The following PYGM variants were observed in gnomAD, a reference collection of about 807,000 sequenced individuals.
PYGM encodes glycogen phosphorylase, muscle form.
PYGM carries 81 observed loss-of-function variants against 99.3 expected under a neutral mutation model. That is an observed-to-expected ratio of 0.82 (90% CI 0.68 to 0.98). PYGM has a LOEUF of 0.98. Ranked by LOEUF, PYGM falls within the 50% of genes least tolerant of loss-of-function variation. The pLI, the probability that PYGM is intolerant of heterozygous loss-of-function variation, is 0.00. For synonymous variants in PYGM, 436 were observed against 451.5 expected (o/e 0.97, Z 0.44); for missense variants, 1,030 against 1,158.1 (o/e 0.89, Z 1.61).
intron 16 of PYGM, 72 bp downstream of exon 16, chr11:64,751,253 G>GA: frequency 6.3e-7 from 1 of 1,595,792 alleles, no homozygotes; most frequent in South Asian, 1.1e-5. Context: ...ATCCCAGGAA[G>GA]AGACGACTGA....
Position 64,755,206 on chromosome 11 carries a change from C to T in PYGM, c.855+67G>A, listed in dbSNP as rs1249691401. ...CTAGGGCACCAGCAAGTGTCCTTCC[C>T]CAGCTCTCCCTGACCCCTGCTGCCA... On this transcript the variant is annotated intron_variant, in intron 7 of 19. Coordinates refer to ENST00000164139, the MANE Select transcript of PYGM (RefSeq NM_005609.4). This position sits in a 1 kb window ranked among gnomAD's most constrained non-coding sequence, Gnocchi z 4.1. The T allele has an allele frequency of 6.5e-7, 1 of 1,537,068 alleles. No individual in the cohort carries two copies. Among genetic ancestry groups the T allele is most frequent in the Non-Finnish European group, 9.0e-7 (1 of 1,111,794 alleles).
rs747398326 is a variant in PYGM, at chr11:64,750,587, T to TGGGGTGGCAGCAGGGG, written c.1970-20_1970-5dup. The stretch of plus-strand genomic sequence containing the variant: ...GAGAGGTCTGCAGCTGGGATCACTG[T>TGGGGTGGCAGCAGGGG]GGGGTGGCAGCAGGGGGACAAGTCA... On this transcript the variant is annotated splice_polypyrimidine_tract_variant and splice_region_variant and intron_variant, in intron 16 of 19. Transcript: ENST00000164139. 1 of 1,613,912 alleles carries TGGGGTGGCAGCAGGGG rather than the reference T, an allele frequency of 6.2e-7. No individual in the cohort carries two copies. Among genetic ancestry groups the TGGGGTGGCAGCAGGGG allele is most frequent in the Non-Finnish European group, 8.5e-7 (1 of 1,179,934 alleles).
At position 64,752,439 on chromosome 11, in the gene PYGM, A is replaced by G; in HGVS notation, c.1584T>C (p.Asp528=). ...TGGCCACATCCCGAATGAAAGCTTC[A>G]TCATCCACAAAGGAGAGCAGTTTGC... The part of the protein sequence containing the change: ...QLRKLLSFVD[D]EAFIRDVAKV... The change falls in exon 13 of 20, where the codon GAT becomes GAC. Residue 528 remains aspartate (D), a synonymous_variant. Coordinates refer to ENST00000164139, the MANE Select transcript of PYGM (RefSeq NM_005609.4). The G allele has an allele frequency of 1.2e-6, 2 of 1,614,236 alleles. No homozygotes were observed. The highest frequency in any genetic ancestry group is 1.7e-6 in the Non-Finnish European group (2 of 1,180,032).
upstream of PYGM, chr11:64,760,032 C>A: frequency 3.7e-6 from 5 of 1,362,422 alleles, no homozygotes; most frequent in Non-Finnish European, 5.0e-6. Context: ...CGCCCCGCCT[C>A]CCCTGCAATG....
chr11:64,758,769 C>T (rs2058413186), intron 1 of PYGM, 65 bp from the exon 2 acceptor site: 1 of 1,413,904 alleles, frequency 7.1e-7, no homozygotes, highest in African/African-American at 1.4e-5. Flanking sequence ...CAGCCAGGCC[C>T]AGCCACGCCT....
At position 64,755,400 on chromosome 11, in the gene PYGM, G is replaced by A; in HGVS notation, c.773-45C>T. On this transcript the variant is annotated intron_variant, in intron 6 of 19. Transcript: ENST00000164139. This position sits in a 1 kb window ranked among gnomAD's most constrained non-coding sequence, Gnocchi z 4.1. ...ACAGGGTAAGGCCTGCGCTGGGCGT[G>A]GCCGGCGGGCAAGCTGGGGTTGCTG... 1.2e-6 allele frequency: 2 copies of A among 1,612,666 alleles called. No homozygotes were observed. Among genetic ancestry groups the A allele is most frequent in the Non-Finnish European group, 1.7e-6 (2 of 1,178,648 alleles).
chr11:64,754,597 C>T lies in PYGM; in HGVS notation c.999+96G>A. 3 of 1,511,048 alleles carry T rather than the reference C, an allele frequency of 2.0e-6. No individual in the cohort carries two copies. The highest frequency in any genetic ancestry group is 1.2e-5 in the South Asian group (1 of 84,808). 93.6% of individuals were successfully genotyped at this position (1,511,048 alleles called of 1,614,324 possible). A position where few individuals can be genotyped will look rare whatever the true frequency, so the allele number is the denominator to read the frequency against. The stretch of plus-strand genomic sequence containing the variant: ...CCCTCCCACACTCCCAGTCTCCACT[C>T]CCTTATCTATTACATGGGGCAGGCA... On this transcript the variant is annotated intron_variant, in intron 8 of 19. Coordinates refer to ENST00000164139, the MANE Select transcript of PYGM (RefSeq NM_005609.4). The surrounding 1 kb of genome is among the most constrained non-coding windows in gnomAD (Gnocchi z 5.5).
rs562835204 is a variant in PYGM, at chr11:64,749,574, G to A, written c.2177+802C>T. Among the ~76,000 whole-genome samples, 7 of 151,356 alleles carry A rather than the reference G, an allele frequency of 4.6e-5. No individual in the cohort carries two copies. In the South Asian group the frequency reaches 8.4e-4, roughly 18 times the overall value. On this transcript the variant is annotated intron_variant, in intron 17 of 19. Transcript: ENST00000164139. ...GGAGAATGGTGTGAACCCAGGAGGC[G>A]GAGCTTGCAGTGAGCCAAGATCGCG...
rs112547233 is a variant in PYGM, at chr11:64,752,340, G to A, written c.1620+63C>T. 20 of 1,568,448 alleles carry A rather than the reference G, an allele frequency of 1.3e-5. No homozygotes were observed. In the African/African-American group the frequency reaches 2.0e-4, roughly 16 times the overall value. ...AGCTCTATTTGCCACGCCTGACCCA[G>A]ACATCTGGCCCCTCCAGCGCTCTCC... On this transcript the variant is annotated intron_variant, in intron 13 of 19. Transcript: ENST00000164139.
Position 64,746,578 on chromosome 11 carries a change from C to T in PYGM, c.*81G>A. ...GGCTTAGAGATCTAACTCCAGTACC[C>T]CACCCTCTGCATGAGGTGCTGGGGC... On this transcript the variant is annotated 3_prime_UTR_variant, in exon 20 of 20. Coordinates refer to ENST00000164139, the MANE Select transcript of PYGM (RefSeq NM_005609.4). The T allele has an allele frequency of 1.3e-6, 2 of 1,579,704 alleles. No individual in the cohort carries two copies. The highest frequency in any genetic ancestry group is 1.1e-5 in the South Asian group (1 of 90,486).
rs768315652 is a variant in PYGM, at chr11:64,751,927, T to C, written c.1765A>G (p.Asn589Asp). 6.2e-7 allele frequency: 1 copy of C among 1,614,122 alleles called. No homozygotes were observed. The highest frequency in any genetic ancestry group is 8.5e-7 in the Non-Finnish European group (1 of 1,180,008). The change falls in exon 14 of 20, where the codon AAC (asparagine) becomes GAC (aspartate). Residue 589 changes from asparagine to aspartate, a missense_variant. Asn to Asp is a conservative substitution (Grantham distance 23). Transcript: ENST00000164139. Reference protein sequence around the residue: ...LNCLHVITLYNRIKREPNKFF... With the variant: ...LNCLHVITLYDRIKREPNKFF... ...GGGTAGAGTGGCTGCCACTCACGGT[T>C]GTACAGGGTGATGACATGGAGGCAG...
At chr11:64,751,207 C>T in intron 16 of PYGM, 118 bp downstream of exon 16, 2 of 1,462,994 alleles carry the variant, frequency 1.4e-6, no homozygotes. Flanking sequence ...ATGGTTTAAG[C>T]ATTGCCCTCT....
intron 5 of PYGM, among the ~76,000 whole-genome samples, chr11:64,756,138 C>T (rs761604401): frequency 2.6e-5 from 4 of 152,222 alleles, no homozygotes; most frequent in Non-Finnish European, 4.4e-5. Flanking sequence ...GCATCGCCCT[C>T]CCTCCCCACA....
At position 64,753,813 on chromosome 11, in the gene PYGM, G is replaced by C; in HGVS notation, c.1239+66C>G. On this transcript the variant is annotated intron_variant, in intron 10 of 19. Transcript: ENST00000164139. The stretch of plus-strand genomic sequence containing the variant: ...TCTCAGGGCCCTGGCTGGACGCCCC[G>C]ACTCCCAGGCCCAGACTGGGTGTCC... The C allele has an allele frequency of 4.9e-6, 7 of 1,424,112 alleles. No individual in the cohort carries two copies. In the South Asian group the frequency reaches 7.3e-5, roughly 15 times the overall value. The allele number at this position is 1,424,112 out of a possible 1,614,324, so 88.2% of individuals were successfully genotyped here. A position where few individuals can be genotyped will look rare whatever the true frequency, so the allele number is the denominator to read the frequency against.
At position 64,747,366 on chromosome 11, in the gene PYGM, G is replaced by A; in HGVS notation, c.2178-8C>T. ...TACTCCTGGGCATTGTACCTGCCAG[G>A]ACAGAGCTGTGGTCAGCTCCCCGGA... On this transcript the variant is annotated splice_region_variant and splice_polypyrimidine_tract_variant and intron_variant, in intron 17 of 19. Coordinates refer to ENST00000164139, the MANE Select transcript of PYGM (RefSeq NM_005609.4). The A allele has an allele frequency of 6.2e-7, 1 of 1,614,186 alleles. No individual in the cohort carries two copies. Among genetic ancestry groups the A allele is most frequent in the Non-Finnish European group, 8.5e-7 (1 of 1,180,030 alleles).
In PYGM at chr11:64,751,598, T is replaced by G; in HGVS notation, c.1826A>C (p.Lys609Thr). 1 of 1,614,036 alleles carries G rather than the reference T, an allele frequency of 6.2e-7. No individual in the cohort carries two copies. Among genetic ancestry groups the G allele is most frequent in the Non-Finnish European group, 8.5e-7 (1 of 1,179,918 alleles). Residue 609 changes from lysine (K) to threonine (T), a missense_variant and splice_region_variant, in exon 15 of 20, where the codon AAG becomes ACG. Physicochemically the swap from Lys to Thr is moderately conservative, Grantham distance 78. Transcript: ENST00000164139. The stretch of plus-strand genomic sequence containing the variant: ...CAGGGCTGGAGCCTGGCTTCTCACC[T>G]TCCCTCCAATCATCACAGTCCGAGG... The part of the protein sequence containing the change: ...FVPRTVMIGG[K>T]AAPGYHMAKM...
intron 15 of PYGM, 41 bp downstream of exon 15, chr11:64,751,556 A>C: frequency 6.2e-7 from 1 of 1,614,046 alleles, no homozygotes; most frequent in Non-Finnish European, 8.5e-7. Flanking sequence ...ACCTGGATAT[A>C]TCAAAGGACG....
At position 64,752,346 on chromosome 11, in the gene PYGM, T is replaced by G. The variant is rs1435347346; in HGVS notation, c.1620+57A>C. ...ATTTGCCACGCCTGACCCAGACATC[T>G]GGCCCCTCCAGCGCTCTCCACACAG... On this transcript the variant is annotated intron_variant, in intron 13 of 19. Coordinates refer to ENST00000164139, the MANE Select transcript of PYGM (RefSeq NM_005609.4). 9 of 1,577,214 alleles carry G rather than the reference T, an allele frequency of 5.7e-6. No individual in the cohort carries two copies. The Admixed American group carries it at 1.5e-4, about 26-fold the overall frequency.
chr11:64,754,977 T>A lies in PYGM; in HGVS notation c.856-141A>T. ...CCCCCTCTCTGGGACCCAGGGGCCT[T>A]TCCTCCACCAAGAACTAGTGGCGAG... On this transcript the variant is annotated intron_variant, in intron 7 of 19. Coordinates refer to ENST00000164139, the MANE Select transcript of PYGM (RefSeq NM_005609.4). The surrounding 1 kb of genome is among the most constrained non-coding windows in gnomAD (Gnocchi z 5.5). 1 of 1,201,696 alleles carries A rather than the reference T, an allele frequency of 8.3e-7. No homozygotes were observed. The highest frequency in any genetic ancestry group is 2.5e-5 in the East Asian group (1 of 39,360). 74.4% of individuals were successfully genotyped at this position (1,201,696 alleles called of 1,614,324 possible).
Sources: allele counts gnomAD v4.1 joint callset (sites outside exome capture counted in the v4.1 genomes callset), GRCh38; gene constraint gnomAD v4.1.1; non-coding constraint Gnocchi (gnomAD v3.1); transcripts MANE v1.5; gene names NCBI Gene and HGNC (gene_info 2026-07-23, HGNC 2026-07-21).